Variants in ST7 observed in about 807,000 individuals in gnomAD.
ST7 encodes the protein suppressor of tumorigenicity 7 protein.
Under a neutral mutation model 78.7 loss-of-function variants are expected in ST7, and 28 were observed. That is an observed-to-expected ratio of 0.36 (90% CI 0.26 to 0.49). The LOEUF (loss-of-function observed/expected upper bound fraction) is 0.49. Among genes scored for constraint, ST7 ranks in the 20% least tolerant of loss-of-function variants. The probability of loss-of-function intolerance (pLI) is 0.99; values close to 1 mark genes in which losing one functional copy is unlikely to be tolerated. For missense variants in ST7, 418 were observed against 696.0 expected (o/e 0.60, Z 4.49); for synonymous variants, 247 against 249.6 (o/e 0.99, Z 0.10).
Position 117,131,923 on chromosome 7 carries a change from A to G in ST7, c.604A>G (p.Arg202Gly). 1 of 1,611,466 alleles carries G rather than the reference A, an allele frequency of 6.2e-7. No homozygotes were observed. The highest frequency in any genetic ancestry group is 8.5e-7 in the Non-Finnish European group (1 of 1,178,224). The change falls in exon 6 of 16, where the codon AGG becomes GGG. Residue 202 changes from arginine to glycine, a missense_variant. By Grantham distance (125) the Arg-to-Gly change is moderately radical. This residue lies in a region of ST7 where 288 missense variants were observed against 537.1 expected (regional missense o/e 0.54). Transcript: ENST00000323984. ...KAWRERNPQA[R>G]ISAAHEALEI... The stretch of plus-strand genomic sequence containing the variant: ...CTGGAGAGAGAGAAACCCCCAAGCT[A>G]GGATTTCTGCAGCTCATGAAGCCTT...
intron 8 of ST7, chr7:117,137,197 A>G (rs1377698367): frequency 6.6e-6 from 1 of 152,156 alleles, no homozygotes; most frequent in Non-Finnish European, 1.5e-5. Context: ...AACTGACTGC[A>G]TTAGTCCCCA....
intron 1 of ST7, among the ~76,000 whole-genome samples, chr7:117,092,825 A>C (rs1160450278): frequency 6.6e-6 from 1 of 152,194 alleles, no homozygotes; most frequent in Non-Finnish European, 1.5e-5. Context: ...TGAAATTGAC[A>C]ATTTCTTAAT....
chr7:117,163,880 G>A (rs1250636666), intron 9 of ST7, among the ~76,000 whole-genome samples: 1 of 152,112 alleles, frequency 6.6e-6, no homozygotes, highest in Non-Finnish European at 1.5e-5. Context: ...ATGTCCTGAA[G>A]CATTTCCCCT....
At position 117,202,895 on chromosome 7, in the gene ST7, T is replaced by G. The variant is rs144991113; in HGVS notation, c.1255-6892T>G. On this transcript the variant is annotated intron_variant, in intron 12 of 15. Coordinates refer to ENST00000323984, the MANE Select transcript of ST7 (RefSeq NM_001369598.1). The stretch of plus-strand genomic sequence containing the variant: ...TCCCCCCCTCAGTATCTGCAGGGGA[T>G]TGGTTCCAGGACCCCTCACATATAC... 6.4e-4 allele frequency among the ~76,000 whole-genome samples: 97 copies of G among 152,244 alleles called. No homozygotes were observed. The East Asian group carries it at 0.017, about 26-fold the overall frequency.
chr7:117,148,519 T>A (rs1256577696), intron 9 of ST7, among the ~76,000 whole-genome samples: 1 of 152,204 alleles, frequency 6.6e-6, no homozygotes, highest in African/African-American at 2.4e-5. Context: ...GAATAATTAC[T>A]GCTTTTTTTG....
At chr7:116,956,662 G>A (rs964939333) in intron 1 of ST7, 4 of 470,952 alleles carry the variant, frequency 8.5e-6, no homozygotes, top group African/African-American at 8.0e-5. Context: ...TATCTGCTTG[G>A]TATCTTCTCA....
chr7:117,195,774 G>A (rs1584568886), intron 12 of ST7, among the ~76,000 whole-genome samples: 1 of 152,146 alleles, frequency 6.6e-6, no homozygotes, highest in East Asian at 1.9e-4. Flanking sequence ...GGGATTATGG[G>A]AAGTATAATT....
intron 1 of ST7, among the ~76,000 whole-genome samples, chr7:116,998,411 G>T (rs1282984151): frequency 1.3e-5 from 2 of 152,208 alleles, no homozygotes; most frequent in African/African-American, 2.4e-5. Flanking sequence ...GAGGGAGCTG[G>T]CTCCGGCCTC....
At chr7:117,040,462 G>T (rs927643495) in intron 1 of ST7, among the ~76,000 whole-genome samples, 10 of 152,030 alleles carry the variant, frequency 6.6e-5, no homozygotes, top group Non-Finnish European at 1.5e-4. Flanking sequence ...GTATATCTAC[G>T]TATAATGTAA....
At chr7:117,055,321 G>C (rs1169481419) in intron 1 of ST7, among the ~76,000 whole-genome samples, 1 of 151,972 alleles carries the variant, frequency 6.6e-6, no homozygotes, top group Non-Finnish European at 1.5e-5. Context: ...TCCTCCCTCA[G>C]CCTCCCAAGT....
intron 1 of ST7, chr7:117,020,095 C>T (rs1479534140): frequency 6.5e-6 from 1 of 152,838 alleles, no homozygotes; most frequent in African/African-American, 2.4e-5. Flanking sequence ...CATTTTGTGA[C>T]AAAGGAATTC....
chr7:117,221,021 TG>T (rs897222256), intron 14 of ST7, among the ~76,000 whole-genome samples: 1 of 152,096 alleles, frequency 6.6e-6, no homozygotes, highest in African/African-American at 2.4e-5. Flanking sequence ...GTTTCTCACG[TG>T]CAGTTTCACA....
intron 1 of ST7, among the ~76,000 whole-genome samples, chr7:117,036,153 G>A (rs1796885763): frequency 6.6e-6 from 1 of 152,188 alleles, no homozygotes; most frequent in Non-Finnish European, 1.5e-5. Context: ...TGTTTGGCAA[G>A]CTTACTCCGC....
At chr7:117,021,519 G>A (rs757904568) in intron 1 of ST7, among the ~76,000 whole-genome samples, 1 of 152,190 alleles carries the variant, frequency 6.6e-6, no homozygotes, top group Non-Finnish European at 1.5e-5. Flanking sequence ...TTGCTAGGGA[G>A]AAGGGGTTTA....
rs535199835 is a variant in ST7, at chr7:117,014,345, A to G, written c.151+60654A>G. On this transcript the variant is annotated intron_variant, in intron 1 of 15. Transcript: ENST00000323984. The stretch of plus-strand genomic sequence containing the variant: ...ATGTGGCAATGTGACATTAAAGATT[A>G]CATCAGATATAGTGTGTCTCAGTAA... Among the ~76,000 whole-genome samples, 10 of 152,316 alleles carry G rather than the reference A, an allele frequency of 6.6e-5. No homozygotes were observed. The South Asian group carries it at 2.1e-3, about 32-fold the overall frequency.
At chr7:117,111,964 C>T (rs1346310419) in intron 2 of ST7, among the ~76,000 whole-genome samples, 1 of 152,096 alleles carries the variant, frequency 6.6e-6, no homozygotes, top group East Asian at 1.9e-4. Flanking sequence ...ACATAGATTC[C>T]TATATCCCTA....
chr7:117,220,855 G>C (rs966298023), intron 14 of ST7, among the ~76,000 whole-genome samples: 2 of 152,216 alleles, frequency 1.3e-5, no homozygotes, highest in Admixed American at 1.3e-4. Context: ...CGTCTGCATG[G>C]AGTTCCTCCT....
At chr7:117,108,278 A>T (rs1177417194) in intron 2 of ST7, among the ~76,000 whole-genome samples, 1 of 152,166 alleles carries the variant, frequency 6.6e-6, no homozygotes, top group Non-Finnish European at 1.5e-5. Flanking sequence ...AAGGTGAGCG[A>T]TGAGGATCTA....
intron 1 of ST7, among the ~76,000 whole-genome samples, chr7:117,052,997 CTCT>C (rs1275014638): frequency 6.6e-6 from 1 of 152,202 alleles, no homozygotes; most frequent in Non-Finnish European, 1.5e-5. Context: ...AACATTCTGA[CTCT>C]TTTCTGTATC....
Sources: allele counts gnomAD v4.1 joint callset (sites outside exome capture counted in the v4.1 genomes callset), GRCh38; gene constraint gnomAD v4.1.1; regional missense constraint gnomAD v4.1.1; transcripts MANE v1.5; gene names NCBI Gene and HGNC (gene_info 2026-07-23, HGNC 2026-07-21).